Variants in LHFPL3 observed in about 807,000 individuals in gnomAD.
LHFPL3 encodes the protein LHFPL tetraspan subfamily member 3 protein.
LHFPL3 carries 5 observed loss-of-function variants against 19.3 expected under a neutral mutation model. That is an observed-to-expected ratio of 0.26 (90% CI 0.14 to 0.54). LHFPL3 has a LOEUF of 0.54. Among genes scored for constraint, LHFPL3 ranks in the 20% least tolerant of loss-of-function variants. The pLI is 0.94. For missense variants in LHFPL3, 249 were observed against 307.4 expected (o/e 0.81, Z 1.42); for synonymous variants, 133 against 126.2 (o/e 1.05, Z -0.36).
intron 2 of LHFPL3, among the ~76,000 whole-genome samples, chr7:104,829,337 A>C (rs1389418185): frequency 1.3e-5 from 2 of 151,366 alleles, no homozygotes; most frequent in South Asian, 2.1e-4. Context: ...TTTTTTTTTA[A>C]TTATTATTAT....
intron 1 of LHFPL3, among the ~76,000 whole-genome samples, chr7:104,359,742 A>T (rs1466533764): frequency 6.6e-6 from 1 of 152,258 alleles, no homozygotes; most frequent in Non-Finnish European, 1.5e-5. Flanking sequence ...TAAGGGGCCC[A>T]TAACACCTGG....
chr7:104,864,120 A>T (rs1791669617), intron 2 of LHFPL3, among the ~76,000 whole-genome samples: 1 of 152,176 alleles, frequency 6.6e-6, no homozygotes, highest in Non-Finnish European at 1.5e-5. Context: ...TTCTGTGTAA[A>T]AGTTCTGTAC....
chr7:104,562,503 G>A (rs962964859), intron 1 of LHFPL3, among the ~76,000 whole-genome samples: 5 of 151,960 alleles, frequency 3.3e-5, no homozygotes, highest in Middle Eastern at 3.2e-3. Flanking sequence ...CATTCTTCAC[G>A]TAGTTCTGGA....
At position 104,874,655 on chromosome 7, in the gene LHFPL3, C is replaced by T. The variant is rs565643903; in HGVS notation, c.683-31532C>T. Among the ~76,000 whole-genome samples the T allele has an allele frequency of 1.7e-4, 26 of 150,772 alleles. 2 individuals carry two copies. The East Asian group carries it at 4.4e-3, about 26-fold the overall frequency. On this transcript the variant is annotated intron_variant, in intron 2 of 2. Transcript: ENST00000424859. ...AACTCCTGACCTCAGGTGATCTGCC[C>T]GCCTCGGCTGCCCAAAGTGCTGGGA...
At chr7:104,535,681 G>A (rs1177061186) in intron 1 of LHFPL3, among the ~76,000 whole-genome samples, 3 of 152,232 alleles carry the variant, frequency 2.0e-5, no homozygotes, top group African/African-American at 4.8e-5. Flanking sequence ...AAAGCCCTGT[G>A]CCCGTGGAGG....
chr7:104,518,785 AAAAT>A (rs1793976391), intron 1 of LHFPL3, among the ~76,000 whole-genome samples: 1 of 148,556 alleles, frequency 6.7e-6, no homozygotes, highest in Admixed American at 6.8e-5. Flanking sequence ...CTCCATCTCA[AAAAT>A]AAATAGATGA....
At chr7:104,555,397 G>A (rs1282003522) in intron 1 of LHFPL3, among the ~76,000 whole-genome samples, 1 of 152,158 alleles carries the variant, frequency 6.6e-6, no homozygotes, top group African/African-American at 2.4e-5. Flanking sequence ...TGGCTGGGGA[G>A]GCCTCACAAT....
chr7:104,549,321 A>G (rs1283590526), intron 1 of LHFPL3, among the ~76,000 whole-genome samples: 1 of 151,404 alleles, frequency 6.6e-6, no homozygotes, highest in Non-Finnish European at 1.5e-5. Flanking sequence ...TATATATATC[A>G]GTGTTACGCA....
intron 1 of LHFPL3, among the ~76,000 whole-genome samples, chr7:104,334,306 C>T (rs910794841): frequency 5.3e-5 from 8 of 152,042 alleles, no homozygotes; most frequent in African/African-American, 9.7e-5. Flanking sequence ...CAGCACTTTG[C>T]GAGGCCAAGG....
chr7:104,388,876 C>T (rs1395313724), intron 1 of LHFPL3, among the ~76,000 whole-genome samples: 1 of 152,028 alleles, frequency 6.6e-6, no homozygotes, highest in African/African-American at 2.4e-5. Context: ...AAGGGAATTT[C>T]CTCAAACTGA....
chr7:104,538,212 C>A (rs1794423055), intron 1 of LHFPL3, among the ~76,000 whole-genome samples: 1 of 152,166 alleles, frequency 6.6e-6, no homozygotes, highest in Admixed American at 6.5e-5. Flanking sequence ...TCCACAATGG[C>A]AAATCTGAGC....
intron 2 of LHFPL3, among the ~76,000 whole-genome samples, chr7:104,833,048 ATATATATTATATATAATATATATAT>A (rs1791001845): frequency 1.1e-5 from 1 of 92,844 alleles, no homozygotes; most frequent in Admixed American, 1.6e-4. Flanking sequence ...TATATATTAT[ATATATATTATATATAATATATATAT>A]TATATATATC....
At chr7:104,744,584 C>T (rs1794004536) in intron 2 of LHFPL3, among the ~76,000 whole-genome samples, 1 of 152,240 alleles carries the variant, frequency 6.6e-6, no homozygotes, top group South Asian at 2.1e-4. Context: ...CATGCTGCTT[C>T]TAATTCCTCT....
chr7:104,414,620 T>C (rs1791587901), intron 1 of LHFPL3, among the ~76,000 whole-genome samples: 1 of 152,226 alleles, frequency 6.6e-6, no homozygotes, highest in Admixed American at 6.5e-5. Context: ...AGAGTTGCTG[T>C]TGAGAATGTA....
intron 1 of LHFPL3, among the ~76,000 whole-genome samples, chr7:104,336,208 G>GT (rs1442338776): frequency 6.6e-6 from 1 of 152,100 alleles, no homozygotes; most frequent in Non-Finnish European, 1.5e-5. Flanking sequence ...ATAAAAAGAA[G>GT]TTAGTAATAA....
intron 1 of LHFPL3, among the ~76,000 whole-genome samples, chr7:104,382,356 C>T (rs1322604146): frequency 3.9e-5 from 6 of 152,126 alleles, no homozygotes; most frequent in East Asian, 1.9e-4. Flanking sequence ...GGCGTGGTGG[C>T]GCATGCCTGT....
rs1793637733 is a variant in LHFPL3 at position 104,503,357 on chromosome 7, G to A, written c.445+174133G>A. Reference sequence around the variant, plus strand: ...AAAAAATGACAGGAAAAAATTAGCTGTCTCTGGCTTGTGGAATTGTAAGTA... The same window carrying A: ...AAAAAATGACAGGAAAAAATTAGCTATCTCTGGCTTGTGGAATTGTAAGTA... On this transcript the variant is annotated intron_variant, in intron 1 of 2. Transcript: ENST00000424859. Among the ~76,000 whole-genome samples, 8 of 152,092 alleles carry A rather than the reference G, an allele frequency of 5.3e-5. No homozygotes were observed. The South Asian group carries it at 1.7e-3, about 32-fold the overall frequency.
At chr7:104,679,120 A>G (rs1326549663) in intron 1 of LHFPL3, among the ~76,000 whole-genome samples, 1 of 152,256 alleles carries the variant, frequency 6.6e-6, no homozygotes, top group Non-Finnish European at 1.5e-5. Context: ...AAGGTCTCTC[A>G]TGAGATTGCA....
intron 1 of LHFPL3, among the ~76,000 whole-genome samples, chr7:104,384,073 G>A (rs1790887066): frequency 6.6e-6 from 1 of 151,952 alleles, no homozygotes; most frequent in Admixed American, 6.6e-5. Context: ...TGAATAATTG[G>A]AGCAGGATGA....
Sources: gnomAD v4.1 joint callset for allele counts (sites outside exome capture counted in the v4.1 genomes callset) on GRCh38, gnomAD v4.1.1 for gene constraint, MANE v1.5 for transcripts, NCBI Gene and HGNC (gene_info 2026-07-23, HGNC 2026-07-21) for gene names.